Variants in CSMD3 observed in about 807,000 individuals in gnomAD.
CSMD3 encodes CUB and Sushi multiple domains 3, also known as CUB and sushi domain-containing protein 3.
In CSMD3, 177 loss-of-function variants were observed where a neutral mutation model predicts 435.2. The observed-to-expected ratio is 0.41, with a 90% CI of 0.36 to 0.46. The LOEUF (loss-of-function observed/expected upper bound fraction) is 0.46. Among genes scored for constraint, CSMD3 ranks in the 20% least tolerant of loss-of-function variants. The pLI is 0.34. For missense variants in CSMD3, 4,265 were observed against 4,504.6 expected, an observed-to-expected ratio of 0.95 and a Z score of 1.52; for synonymous variants, 1,656 against 1,520.5, an observed-to-expected ratio of 1.09 and a Z score of -2.07.
chr8:113,153,253 AAAGGAAGG>A (rs748079169), intron 4 of CSMD3, among the ~76,000 whole-genome samples: 9 of 149,752 alleles, frequency 6.0e-5, no homozygotes, highest in African/African-American at 2.0e-4. Context: ...AGAGAGAAAG[AAAGGAAGG>A]AAGGAAGGAA....
intron 3 of CSMD3, among the ~76,000 whole-genome samples, chr8:113,265,375 A>G (rs2093461328): frequency 6.6e-6 from 1 of 151,666 alleles, no homozygotes; most frequent in South Asian, 2.1e-4. Context: ...TTTGATATGC[A>G]TTAATAGTGT....
At chr8:112,234,581 A>T (rs1813400107) in intron 67 of CSMD3, 104 bp from the exon 68 acceptor site, 1 of 758,276 alleles carries the variant, frequency 1.3e-6, no homozygotes, top group Non-Finnish European at 2.3e-6. Context: ...TATGTAATTA[A>T]AAAAAGAAAT....
intron 3 of CSMD3, among the ~76,000 whole-genome samples, chr8:113,191,378 C>T (rs1298897754): frequency 6.6e-6 from 1 of 151,598 alleles, no homozygotes; most frequent in Non-Finnish European, 1.5e-5. Flanking sequence ...AGTTTTTCGG[C>T]CCACATCTTC....
chr8:113,410,102 T>A (rs1310530816), intron 1 of CSMD3, among the ~76,000 whole-genome samples: 1 of 151,216 alleles, frequency 6.6e-6, no homozygotes, highest in Non-Finnish European at 1.5e-5. Flanking sequence ...ATAAATAAAT[T>A]ATCTCTCACA....
At chr8:113,305,995 C>T (rs1450160214) in intron 2 of CSMD3, among the ~76,000 whole-genome samples, 1 of 152,084 alleles carries the variant, frequency 6.6e-6, no homozygotes, top group African/African-American at 2.4e-5. Flanking sequence ...GCTTCTGTTT[C>T]CTGGGGTATG....
At chr8:113,319,873 C>T (rs1211113707) in intron 1 of CSMD3, among the ~76,000 whole-genome samples, 1 of 151,978 alleles carries the variant, frequency 6.6e-6, no homozygotes, top group Non-Finnish European at 1.5e-5. Context: ...ATCTACAATT[C>T]CTTATTGTTC....
At chr8:113,108,011 A>C (rs2090531803) in intron 4 of CSMD3, among the ~76,000 whole-genome samples, 1 of 152,238 alleles carries the variant, frequency 6.6e-6, no homozygotes, top group South Asian at 2.1e-4. Context: ...GAGAATCTAC[A>C]GAATAGAATA....
At chr8:112,780,883 T>A (rs77348545) in intron 13 of CSMD3, among the ~76,000 whole-genome samples, 3,872 of 152,020 alleles carry the variant, frequency 0.025, 80 homozygotes, top group East Asian at 0.074. Flanking sequence ...TAAAAAGCAG[T>A]CTAAGCCATG....
Position 112,346,669 on chromosome 8 carries a change from C to CTTTTTTTTTTT in CSMD3, c.6326-467_6326-457dup, listed in dbSNP as rs1402415225. Among the ~76,000 whole-genome samples, 5 of 111,832 alleles carry CTTTTTTTTTTT rather than the reference C, an allele frequency of 4.5e-5. 1 individual carries two copies. The highest frequency in any genetic ancestry group is 1.8e-4 in the African/African-American group (4 of 22,774). 73.4% of individuals were successfully genotyped at this position (111,832 alleles called of 152,430 possible). A position where few individuals can be genotyped will look rare whatever the true frequency, so the allele number is the denominator to read the frequency against. On this transcript the variant is annotated intron_variant, in intron 40 of 70. Transcript: ENST00000297405. ...ATTTTCACAGCCTTCCCTCCTTTTC[C>CTTTTTTTTTTT]TTTTTTTTTTTTTTTTTTTTTTTTT...
intron 4 of CSMD3, among the ~76,000 whole-genome samples, chr8:113,106,084 T>C (rs2090466348): frequency 6.6e-6 from 1 of 152,146 alleles, no homozygotes; most frequent in South Asian, 2.1e-4. Context: ...TAGACTTTTT[T>C]TTTGTTTTGC....
At chr8:113,295,556 C>G (rs2132552054) in intron 2 of CSMD3, among the ~76,000 whole-genome samples, 1 of 152,134 alleles carries the variant, frequency 6.6e-6, no homozygotes, top group South Asian at 2.1e-4. Flanking sequence ...TAGCAATAGG[C>G]CGATTTAGTG....
intron 63 of CSMD3, among the ~76,000 whole-genome samples, chr8:112,248,736 T>C (rs1448617308): frequency 2.0e-5 from 3 of 152,168 alleles, no homozygotes; most frequent in African/African-American, 7.2e-5. Context: ...ATTTTTCATA[T>C]TGTTATTATT....
chr8:113,314,417 T>C, intron 2 of CSMD3, 154 bp downstream of exon 2: 1 of 632,982 alleles, frequency 1.6e-6, no homozygotes. Context: ...AGCTAATTTG[T>C]TCATGGGATG....
At chr8:112,967,868 A>G (rs933427247) in intron 7 of CSMD3, among the ~76,000 whole-genome samples, 3 of 151,932 alleles carry the variant, frequency 2.0e-5, no homozygotes, top group African/African-American at 2.4e-5. Context: ...TGGAACAGAA[A>G]AAAACTGAAA....
chr8:112,458,135 T>C (rs4338134), intron 32 of CSMD3, among the ~76,000 whole-genome samples: 64,601 of 151,470 alleles, frequency 0.43, 14,753 homozygotes, highest in Middle Eastern at 0.6. Flanking sequence ...AGAGATGACA[T>C]ATTAGCGCAG....
intron 1 of CSMD3, among the ~76,000 whole-genome samples, chr8:113,385,161 C>G (rs1411951838): frequency 6.6e-6 from 1 of 152,010 alleles, no homozygotes; most frequent in Non-Finnish European, 1.5e-5. Flanking sequence ...AAAACCCTAA[C>G]ATCACTACTT....
chr8:112,829,924 CACAA>C (rs769991402), intron 11 of CSMD3, 135 bp from the exon 12 acceptor site: 2 of 377,176 alleles, frequency 5.3e-6, no homozygotes, highest in Non-Finnish European at 4.6e-6. Flanking sequence ...CACACACACA[CACAA>C]GCAGTTCAAT....
intron 59 of CSMD3, among the ~76,000 whole-genome samples, 199 bp from the exon 60 acceptor site, chr8:112,265,789 CACAT>C (rs1455358311): frequency 6.6e-6 from 1 of 152,032 alleles, no homozygotes; most frequent in Admixed American, 6.6e-5. Flanking sequence ...ACAGATTCTA[CACAT>C]ATGGCTCAGA....
At chr8:112,377,941 G>A (rs944765561) in intron 38 of CSMD3, among the ~76,000 whole-genome samples, 17 of 151,978 alleles carry the variant, frequency 1.1e-4, no homozygotes, top group Admixed American at 8.5e-4. Flanking sequence ...CAGGAACAAG[G>A]TAAAGATATC....
Sources: gnomAD v4.1 joint callset for allele counts (sites outside exome capture counted in the v4.1 genomes callset) on GRCh38, gnomAD v4.1.1 for gene constraint, MANE v1.5 for transcripts, NCBI Gene and HGNC (gene_info 2026-07-23, HGNC 2026-07-21) for gene names.